The following KCNQ1 variants were observed in gnomAD, a reference collection of about 807,000 sequenced individuals.
KCNQ1 encodes the protein potassium voltage-gated channel subfamily Q member 1.
In KCNQ1, 49 loss-of-function variants were observed where a neutral mutation model predicts 72.4. The ratio of observed to expected loss-of-function variants is 0.68; its 90% CI spans 0.54 to 0.86. KCNQ1 has a LOEUF of 0.86. KCNQ1 is among the 40% of genes least tolerant of loss of function. The pLI is 0.00. For missense variants in KCNQ1, 790 were observed against 945.1 expected (o/e 0.84, Z 2.15); for synonymous variants, 450 against 412.6 (o/e 1.09, Z -1.10).
Position 2,725,092 on chromosome 11 carries a change from C to T in KCNQ1, c.1515-43752C>T, listed in dbSNP as rs547762778. Among the ~76,000 whole-genome samples, 1 of 152,318 alleles carries T rather than the reference C, an allele frequency of 6.6e-6. No homozygotes were observed. The highest frequency in any genetic ancestry group is 2.1e-4 in the South Asian group (1 of 4,828). On this transcript the variant is annotated intron_variant, in intron 11 of 15. Transcript: ENST00000155840. The surrounding 1 kb of genome is among the most constrained non-coding windows in gnomAD (Gnocchi z 7.2). ...AGACAATGACTCCTAAACAAGCTCA[C>T]GTCTTGAAGCAGTGCTGGACCCGTT... is the stretch of plus-strand genomic sequence containing the variant.
intron 10 of KCNQ1, chr11:2,640,806 C>G (rs933519689): frequency 2.5e-6 from 1 of 398,734 alleles, no homozygotes; most frequent in Middle Eastern, 5.7e-4. Context: ...TTTTTACCCA[C>G]TAACCAACCT....
chr11:2,688,187 G>C (rs1020354895), intron 11 of KCNQ1: 1 of 398,680 alleles, frequency 2.5e-6, no homozygotes, highest in African/African-American at 2.1e-5. Flanking sequence ...CCCAAGCAAG[G>C]GGGCAGGAGG....
At position 2,782,998 on chromosome 11, in the gene KCNQ1, G is replaced by T. The variant is rs571831169; in HGVS notation, c.1794+4961G>T. ...TCTAACCTCTCTAAATTAAGAAGAG[G>T]ATAATTCTTAATTTTCAGGCTTCCT... On this transcript the variant is annotated intron_variant, in intron 15 of 15. Coordinates refer to ENST00000155840, the MANE Select transcript of KCNQ1 (RefSeq NM_000218.3). The surrounding 1 kb of genome is among the most constrained non-coding windows in gnomAD (Gnocchi z 6.1). 2.0e-5 allele frequency among the ~76,000 whole-genome samples: 3 copies of T among 152,086 alleles called. No homozygotes were observed. Among genetic ancestry groups the T allele is most frequent in the South Asian group, 2.1e-4 (1 of 4,820 alleles).
chr11:2,823,175 G>A (rs960349834), intron 15 of KCNQ1, among the ~76,000 whole-genome samples: 3 of 152,116 alleles, frequency 2.0e-5, no homozygotes, highest in Non-Finnish European at 4.4e-5. Flanking sequence ...CAGAGATAAA[G>A]ACAACATTCT....
chr11:2,649,113 A>T (rs1420548271), intron 10 of KCNQ1: 1 of 396,580 alleles, frequency 2.5e-6, no homozygotes, highest in African/African-American at 2.1e-5. Context: ...TTACAGGTGA[A>T]GTCAGTTTCT....
intron 11 of KCNQ1, chr11:2,686,644 A>G (rs2133886869): frequency 2.5e-6 from 1 of 398,674 alleles, no homozygotes; most frequent in South Asian, 1.3e-4. Context: ...CAGGCTGCAC[A>G]GAGCATGGCC....
rs1170417632 is a variant in KCNQ1, at chr11:2,750,711, A to G, written c.1515-18133A>G. On this transcript the variant is annotated intron_variant, in intron 11 of 15. Transcript: ENST00000155840. The surrounding 1 kb of genome is among the most constrained non-coding windows in gnomAD (Gnocchi z 6.3). ...CAGTTCCCAATAAGTCATTTCAGTC[A>G]GGCCATTACCAATGGCTCATAATCT... Among the ~76,000 whole-genome samples the G allele has an allele frequency of 6.6e-6, 1 of 152,192 alleles. No individual in the cohort carries two copies. The highest frequency in any genetic ancestry group is 1.5e-5 in the Non-Finnish European group (1 of 68,026).
chr11:2,731,883 G>A (rs1845863977), intron 11 of KCNQ1, among the ~76,000 whole-genome samples: 1 of 152,334 alleles, frequency 6.6e-6, no homozygotes, highest in South Asian at 2.1e-4. Flanking sequence ...TCACCATCAG[G>A]ACCACAATTC....
chr11:2,700,552 G>A (rs1011947331), intron 11 of KCNQ1, among the ~76,000 whole-genome samples: 94 of 152,208 alleles, frequency 6.2e-4, no homozygotes, highest in African/African-American at 1.9e-3. Flanking sequence ...TGCGGGAGGC[G>A]TTTTCCCCCC....
In KCNQ1 at chr11:2,658,279, C is replaced by T. The variant is rs1259469413; in HGVS notation, c.1394-3682C>T. On this transcript the variant is annotated intron_variant, in intron 10 of 15. Coordinates refer to ENST00000155840, the MANE Select transcript of KCNQ1 (RefSeq NM_000218.3). The surrounding 1 kb of genome is among the most constrained non-coding windows in gnomAD (Gnocchi z 4.9). ...ACTTCTATTTTCCTCATTCCTTCTA[C>T]ATTTTTTATTTGGAATTCCTTTATA... 5.0e-6 allele frequency: 2 copies of T among 398,570 alleles called. No homozygotes were observed. Among genetic ancestry groups the T allele is most frequent in the South Asian group, 1.3e-4 (1 of 7,858 alleles). The allele number at this position is 398,570 out of a possible 1,614,324, so 24.7% of individuals were successfully genotyped here. A position where few individuals can be genotyped will look rare whatever the true frequency, so the allele number is the denominator to read the frequency against.
chr11:2,640,207 C>A, intron 10 of KCNQ1: 1 of 393,360 alleles, frequency 2.5e-6, no homozygotes, highest in Non-Finnish European at 4.5e-6. Context: ...GGGCTGCACC[C>A]ACTGTCCTGT....
chr11:2,776,754 G>C (rs1846709828), intron 13 of KCNQ1, among the ~76,000 whole-genome samples: 1 of 152,132 alleles, frequency 6.6e-6, no homozygotes, highest in South Asian at 2.1e-4. Context: ...GGAAGTCTGA[G>C]AGGCAGCCCA....
In KCNQ1 at chr11:2,816,564, C is replaced by T. The variant is rs1470834447; in HGVS notation, c.1795-31203C>T. On this transcript the variant is annotated intron_variant, in intron 15 of 15. Transcript: ENST00000155840. This position sits in a 1 kb window ranked among gnomAD's most constrained non-coding sequence, Gnocchi z 6.8. Reference sequence around the variant, plus strand: ...GTCATCCAGAGGGAGCAAACAGCCACCCTGTGGTGAAGCCACACCACATAT... The same window carrying T: ...GTCATCCAGAGGGAGCAAACAGCCATCCTGTGGTGAAGCCACACCACATAT... 6.6e-6 allele frequency among the ~76,000 whole-genome samples: 1 copy of T among 152,164 alleles called. No individual in the cohort carries two copies. The highest frequency in any genetic ancestry group is 2.4e-5 in the African/African-American group (1 of 41,428).
In KCNQ1 at chr11:2,677,985, A is replaced by AT. The variant is rs1244622649; in HGVS notation, c.1514+15905dup. ...TTAATTTACATTTCTTTTGTTGGAA[A>AT]TGAGGTTTTTATCTTTCCAAATGCT... On this transcript the variant is annotated intron_variant, in intron 11 of 15. Coordinates refer to ENST00000155840, the MANE Select transcript of KCNQ1 (RefSeq NM_000218.3). This position sits in a 1 kb window ranked among gnomAD's most constrained non-coding sequence, Gnocchi z 4.5. 1.3e-5 allele frequency: 5 copies of AT among 397,102 alleles called. No homozygotes were observed. Among genetic ancestry groups the AT allele is most frequent in the African/African-American group, 1.0e-4 (5 of 47,960 alleles). 24.6% of individuals were successfully genotyped at this position (397,102 alleles called of 1,614,324 possible).
At chr11:2,741,491 C>T (rs1846049434) in intron 11 of KCNQ1, among the ~76,000 whole-genome samples, 1 of 152,176 alleles carries the variant, frequency 6.6e-6, no homozygotes, top group Non-Finnish European at 1.5e-5. Context: ...ACACCTGGTG[C>T]CTGTCCCCTG....
rs1847853840 is a variant in KCNQ1 at position 2,543,137 on chromosome 11, T to C, written c.477+15119T>C. Among the ~76,000 whole-genome samples, 1 of 152,248 alleles carries C rather than the reference T, an allele frequency of 6.6e-6. No homozygotes were observed. Among genetic ancestry groups the C allele is most frequent in the Non-Finnish European group, 1.5e-5 (1 of 68,038 alleles). Reference sequence around the variant, plus strand: ...GAAACATCTTTGGTGACATATCTTTTTAAATGTTTCACCCATTGTAAAATT... The same window carrying C: ...GAAACATCTTTGGTGACATATCTTTCTAAATGTTTCACCCATTGTAAAATT... On this transcript the variant is annotated intron_variant, in intron 2 of 15. Transcript: ENST00000155840. This position sits in a 1 kb window ranked among gnomAD's most constrained non-coding sequence, Gnocchi z 5.6.
At chr11:2,520,696 C>T (rs1020747514) in intron 1 of KCNQ1, among the ~76,000 whole-genome samples, 1 of 152,186 alleles carries the variant, frequency 6.6e-6, no homozygotes, top group Non-Finnish European at 1.5e-5. Context: ...CTGCTGGTGA[C>T]CAGTGAGTGA....
At chr11:2,577,288 G>A (rs1848436026) in intron 6 of KCNQ1, among the ~76,000 whole-genome samples, 1 of 152,202 alleles carries the variant, frequency 6.6e-6, no homozygotes, top group Non-Finnish European at 1.5e-5. Context: ...CTGGCCTGTG[G>A]TGGTTCGCAG....
At chr11:2,572,145 TG>T in intron 5 of KCNQ1, 36 bp downstream of exon 5, 1 of 1,511,634 alleles carries the variant, frequency 6.6e-7, no homozygotes. Flanking sequence ...GGGCCCAGGT[TG>T]GGGACAGGAC....
Sources: allele counts gnomAD v4.1 joint callset (sites outside exome capture counted in the v4.1 genomes callset), GRCh38; gene constraint gnomAD v4.1.1; non-coding constraint Gnocchi (gnomAD v3.1); transcripts MANE v1.5; gene names NCBI Gene and HGNC (gene_info 2026-07-23, HGNC 2026-07-21).